ANKRD12: variants seen among roughly 807,000 people sequenced by gnomAD.
ANKRD12 encodes the protein ankyrin repeat domain 12, also known as ankyrin repeat domain-containing protein 12.
In ANKRD12, 85 loss-of-function variants were observed where a neutral mutation model predicts 183.4. The ratio of observed to expected loss-of-function variants is 0.46; its 90% CI spans 0.39 to 0.56. The LOEUF (loss-of-function observed/expected upper bound fraction) is 0.56, where lower values mean the gene tolerates loss of function less well. Among genes scored for constraint, ANKRD12 ranks in the 20% least tolerant of loss-of-function variants. The pLI is 0.00. For synonymous variants in ANKRD12, 914 were observed against 800.2 expected (o/e 1.14, Z -2.40); for missense variants, 2,405 against 2,357.1 (o/e 1.02, Z -0.42).
chr18:9,196,612 A>ATTAT (rs918099830), intron 3 of ANKRD12, among the ~76,000 whole-genome samples: 42 of 152,346 alleles, frequency 2.8e-4, no homozygotes, highest in African/African-American at 8.7e-4. Flanking sequence ...ATACTCATAA[A>ATTAT]GATTTTTGAA....
At chr18:9,202,790 A>G (rs2035251330) in intron 3 of ANKRD12, among the ~76,000 whole-genome samples, 1 of 152,192 alleles carries the variant, frequency 6.6e-6, no homozygotes, top group Admixed American at 6.5e-5. Flanking sequence ...AAATGTTAAT[A>G]GAAGCTTTAA....
chr18:9,222,309 C>T (rs1228585320), intron 8 of ANKRD12, among the ~76,000 whole-genome samples: 1 of 152,170 alleles, frequency 6.6e-6, no homozygotes, highest in African/African-American at 2.4e-5. Flanking sequence ...CACTGCTACT[C>T]TGACTTCTTT....
At chr18:9,147,777 C>T (rs937800048) in intron 1 of ANKRD12, among the ~76,000 whole-genome samples, 1 of 152,116 alleles carries the variant, frequency 6.6e-6, no homozygotes, top group African/African-American at 2.4e-5. Context: ...AGGAACCAAA[C>T]AAAATAATTA....
At chr18:9,244,899 A>G (rs1344668061) in intron 8 of ANKRD12, among the ~76,000 whole-genome samples, 1 of 152,202 alleles carries the variant, frequency 6.6e-6, no homozygotes, top group Non-Finnish European at 1.5e-5. Flanking sequence ...AAGCTATTAA[A>G]AATGTTTCTC....
In ANKRD12 at chr18:9,281,384, T is replaced by A. The variant is rs1249352374; in HGVS notation, c.*258T>A. The A allele has an allele frequency of 3.7e-6, 1 of 271,054 alleles. No homozygotes were observed. Among genetic ancestry groups the A allele is most frequent in the African/African-American group, 2.2e-5 (1 of 45,016 alleles). 16.8% of individuals were successfully genotyped at this position (271,054 alleles called of 1,614,324 possible). A position where few individuals can be genotyped will look rare whatever the true frequency, so the allele number is the denominator to read the frequency against. On this transcript the variant is annotated 3_prime_UTR_variant, in exon 13 of 13. Coordinates refer to ENST00000262126, the MANE Select transcript of ANKRD12 (RefSeq NM_015208.5). ...ATTGCATTAGAGCATGTTGGCAGACTGGTAGGTATTTAAAAAGTTGAGAAT... is the reference window on the plus strand; with the variant it reads ...ATTGCATTAGAGCATGTTGGCAGACAGGTAGGTATTTAAAAAGTTGAGAAT...
intron 1 of ANKRD12, among the ~76,000 whole-genome samples, chr18:9,179,919 A>G (rs2033576471): frequency 6.6e-6 from 1 of 152,254 alleles, no homozygotes; most frequent in African/African-American, 2.4e-5. Flanking sequence ...CTTGGGGAGT[A>G]TTCTGTGTGC....
intron 1 of ANKRD12, among the ~76,000 whole-genome samples, chr18:9,173,111 C>T (rs2032907570): frequency 6.6e-6 from 1 of 151,052 alleles, no homozygotes; most frequent in African/African-American, 2.4e-5. Context: ...GCTCTATCAC[C>T]CAGGCTGGAG....
At chr18:9,235,054 A>G (rs1374017267) in intron 8 of ANKRD12, among the ~76,000 whole-genome samples, 1 of 152,128 alleles carries the variant, frequency 6.6e-6, no homozygotes, top group Non-Finnish European at 1.5e-5. Context: ...ACCCTATTCA[A>G]GGTATGATTA....
chr18:9,196,147 A>T (rs1160811715), intron 3 of ANKRD12, among the ~76,000 whole-genome samples: 1 of 132,836 alleles, frequency 7.5e-6, no homozygotes, highest in Non-Finnish European at 1.6e-5. Flanking sequence ...ACACACACAC[A>T]CACATTGAGG....
chr18:9,199,629 A>G (rs2035052458), intron 3 of ANKRD12, among the ~76,000 whole-genome samples: 1 of 152,188 alleles, frequency 6.6e-6, no homozygotes, highest in Non-Finnish European at 1.5e-5. Flanking sequence ...TAAAATGATT[A>G]TATAAACTTT....
chr18:9,203,050 T>A (rs1290095935), intron 3 of ANKRD12, among the ~76,000 whole-genome samples: 1 of 152,270 alleles, frequency 6.6e-6, no homozygotes, highest in Admixed American at 6.5e-5. Context: ...TAATGTTTGC[T>A]GGTTTGCTTT....
intron 8 of ANKRD12, among the ~76,000 whole-genome samples, chr18:9,252,829 A>T (rs947857157): frequency 6.6e-6 from 1 of 152,176 alleles, no homozygotes; most frequent in Non-Finnish European, 1.5e-5. Flanking sequence ...TCTGAAACAC[A>T]TAATTTGTGA....
intron 8 of ANKRD12, among the ~76,000 whole-genome samples, chr18:9,233,130 A>T (rs1223557825): frequency 2.0e-5 from 3 of 151,804 alleles, no homozygotes; most frequent in Admixed American, 1.3e-4. Context: ...GTGATTACAG[A>T]TGTGAGCCAC....
At chr18:9,140,779 A>G (rs891887619) in intron 1 of ANKRD12, among the ~76,000 whole-genome samples, 3 of 152,180 alleles carry the variant, frequency 2.0e-5, no homozygotes, top group Admixed American at 1.3e-4. Flanking sequence ...CAACCTCAGT[A>G]TTGTAGTATT....
chr18:9,150,685 G>A (rs910664484), intron 1 of ANKRD12, among the ~76,000 whole-genome samples: 8 of 150,958 alleles, frequency 5.3e-5, no homozygotes, highest in Middle Eastern at 3.4e-3. Flanking sequence ...ACGGAGTCTC[G>A]CCCTGTTGCC....
intron 1 of ANKRD12, among the ~76,000 whole-genome samples, chr18:9,161,655 T>A (rs7239236): frequency 7.2e-5 from 11 of 151,946 alleles, no homozygotes; most frequent in African/African-American, 1.9e-4. Context: ...GGATTACAGG[T>A]GTGAGCCACT....
intron 8 of ANKRD12, among the ~76,000 whole-genome samples, chr18:9,224,586 T>G (rs1226892497): frequency 6.6e-6 from 1 of 152,186 alleles, no homozygotes. Flanking sequence ...TTGGTGAGCT[T>G]GGAGTGAAGC....
At position 9,257,327 on chromosome 18, in the gene ANKRD12, G is replaced by A. The variant is rs377028728; in HGVS notation, c.4060G>A (p.Val1354Met). 15 of 1,614,000 alleles carry A rather than the reference G, an allele frequency of 9.3e-6. No homozygotes were observed. The African/African-American group carries it at 1.3e-4, about 14-fold the overall frequency. The change falls in exon 9 of 13, where the codon GTG becomes ATG. Residue 1354 changes from valine (V) to methionine (M), a missense_variant. Coordinates refer to ENST00000262126, the MANE Select transcript of ANKRD12 (RefSeq NM_015208.5). ...TCCCAAACCTGAGGTATTCTCAAAT[G>A]TGCCTGAAAGAGACCTTTCAAATGT... The part of the protein sequence containing the change: ...PSPKPEVFSN[V>M]PERDLSNVSN...
intron 1 of ANKRD12, among the ~76,000 whole-genome samples, chr18:9,158,551 A>G (rs374742697): frequency 1.7e-4 from 26 of 152,326 alleles, no homozygotes; most frequent in African/African-American, 5.8e-4. Context: ...GAGGAAGAGG[A>G]TCACAGAGGT....
Sources: gnomAD v4.1 joint callset for allele counts (sites outside exome capture counted in the v4.1 genomes callset) on GRCh38, gnomAD v4.1.1 for gene constraint, MANE v1.5 for transcripts, NCBI Gene and HGNC (gene_info 2026-07-23, HGNC 2026-07-21) for gene names.